DUOXA2: variants seen among roughly 807,000 people sequenced by gnomAD.
DUOXA2 encodes dual oxidase maturation factor 2.
A neutral mutation model predicts 27.6 loss-of-function variants in DUOXA2; 22 were observed. The observed-to-expected ratio is 0.80, with a 90% CI of 0.57 to 1.14. The LOEUF (loss-of-function observed/expected upper bound fraction) is 1.14, where lower values mean the gene tolerates loss of function less well. DUOXA2 is among the 50% of genes most tolerant of loss of function. The probability of loss-of-function intolerance (pLI) is 0.00; values close to 1 mark genes in which losing one functional copy is unlikely to be tolerated. For missense variants in DUOXA2, 481 were observed against 419.9 expected, an observed-to-expected ratio of 1.15 and a Z score of -1.27; for synonymous variants, 188 against 184.4, an observed-to-expected ratio of 1.02 and a Z score of -0.16.
chr15:45,115,581 T>G, intron 1 of DUOXA2: 1 of 691,712 alleles, frequency 1.4e-6, no homozygotes, highest in Non-Finnish European at 2.6e-6. Flanking sequence ...GGAGGTGCTG[T>G]TAGGGTAGAT....
At chr15:45,115,775 T>C (rs1413811242) in intron 1 of DUOXA2, 24 bp from the exon 2 acceptor site, 2 of 1,614,044 alleles carry the variant, frequency 1.2e-6, no homozygotes. Flanking sequence ...GGCTCAGGCC[T>C]GACCCGGGTG....
At chr15:45,117,055 AGCCC>A in intron 4 of DUOXA2, 32 bp from the exon 5 acceptor site, 1 of 1,590,920 alleles carries the variant, frequency 6.3e-7, no homozygotes, top group East Asian at 2.3e-5. Flanking sequence ...GGCTGGGAGA[AGCCC>A]GCTCACAGCG....
chr15:45,115,320 T>C (rs1214519148), intron 1 of DUOXA2: 1 of 394,674 alleles, frequency 2.5e-6, no homozygotes, highest in East Asian at 7.2e-5. Flanking sequence ...ACCCAGCTTT[T>C]CTGCATCTTA....
In DUOXA2 at chr15:45,116,250, C is replaced by A. The variant is rs763574717; in HGVS notation, c.332C>A (p.Thr111Lys). 6.2e-7 allele frequency: 1 copy of A among 1,613,966 alleles called. No individual in the cohort carries two copies. The highest frequency in any genetic ancestry group is 8.5e-7 in the Non-Finnish European group (1 of 1,179,922). ...LLVGLEGINITLTGTPVHQLN... is the reference protein window; with the variant it reads ...LLVGLEGINIKLTGTPVHQLN... ...GTGGGCCTGGAGGGCATTAATATTA[C>A]ACTCACAGGTGAGGGGGCTGGGGCT... is the stretch of plus-strand genomic sequence containing the variant. The change falls in exon 3 of 6, where the codon ACA becomes AAA. Residue 111 changes from threonine to lysine, a missense_variant. Transcript: ENST00000323030.
At chr15:45,117,572 G>A (rs755127271) in intron 5 of DUOXA2, 144 bp from the exon 6 acceptor site, 5 of 1,600,310 alleles carry the variant, frequency 3.1e-6, no homozygotes, top group Admixed American at 1.7e-5. Flanking sequence ...AAAGATGGAA[G>A]AAGGCCCGGG....
Position 45,118,146 on chromosome 15 carries a change from G to A in DUOXA2, c.*237G>A, listed in dbSNP as rs965188656. 4.0e-5 allele frequency: 58 copies of A among 1,438,352 alleles called. No homozygotes were observed. Among genetic ancestry groups the A allele is most frequent in the Non-Finnish European group, 5.0e-5 (55 of 1,101,192 alleles). 89.1% of individuals were successfully genotyped at this position (1,438,352 alleles called of 1,614,324 possible). A position where few individuals can be genotyped will look rare whatever the true frequency, so the allele number is the denominator to read the frequency against. ...AATTTTCATGGCTTCTCCGCGCCGG[G>A]GTCGCACGTCCTCATGAGCTTCGCT... On this transcript the variant is annotated 3_prime_UTR_variant, in exon 6 of 6. Transcript: ENST00000323030.
chr15:45,117,248 G>C lies in DUOXA2; in HGVS notation c.712G>C (p.Gly238Arg). ...SSVPLCPLRL[G>R]SSALTTQYGA... ...CGTGCCGCTCTGCCCGCTCCGCCTA[G>C]GCTCCTCCGCGCTCACCACTCAGTA... Residue 238 changes from glycine (G) to arginine (R), a missense_variant, in exon 5 of 6, where the codon GGC (glycine) becomes CGC (arginine). Transcript: ENST00000323030. 6 of 1,610,346 alleles carry C rather than the reference G, an allele frequency of 3.7e-6. No individual in the cohort carries two copies. Among genetic ancestry groups the C allele is most frequent in the Non-Finnish European group, 5.1e-6 (6 of 1,179,244 alleles).
In DUOXA2 at chr15:45,117,892, A is replaced by G. The variant is rs1057233703; in HGVS notation, c.946A>G (p.Ile316Val). 6 of 1,613,274 alleles carry G rather than the reference A, an allele frequency of 3.7e-6. No homozygotes were observed. Among genetic ancestry groups the G allele is most frequent in the African/African-American group, 1.3e-5 (1 of 74,932 alleles). The change falls in exon 6 of 6, where the codon ATC becomes GTC. Residue 316 changes from isoleucine to valine, a missense_variant. Ile to Val is a conservative substitution (Grantham distance 29). Coordinates refer to ENST00000323030, the MANE Select transcript of DUOXA2 (RefSeq NM_207581.4). ...KQAALPDLKC[I>V]TTNL ...GGCCGCTCTCCCAGACTTAAAATGTATCACCACTAACCTGTGAGGGGGACC... is the reference window on the plus strand; with the variant it reads ...GGCCGCTCTCCCAGACTTAAAATGTGTCACCACTAACCTGTGAGGGGGACC...
chr15:45,116,193 C>G lies in DUOXA2; in HGVS notation c.275C>G (p.Ala92Gly). Reference protein sequence around the residue: ...NTNTSYKAFSAARVTARVRLL... With the variant: ...NTNTSYKAFSGARVTARVRLL... The stretch of plus-strand genomic sequence containing the variant: ...AACACATCCTACAAAGCCTTCAGCG[C>G]AGCGCGCGTTACAGCCCGTGTCCGT... Residue 92 changes from alanine (A) to glycine (G), a missense_variant, in exon 3 of 6, where the codon GCA becomes GGA. Coordinates refer to ENST00000323030, the MANE Select transcript of DUOXA2 (RefSeq NM_207581.4). The G allele has an allele frequency of 1.2e-6, 2 of 1,614,086 alleles. No homozygotes were observed. The highest frequency in any genetic ancestry group is 1.3e-5 in the African/African-American group (1 of 75,030).
intron 1 of DUOXA2, 71 bp from the exon 2 acceptor site, chr15:45,115,728 G>T (rs1894597904): frequency 2.5e-6 from 4 of 1,569,706 alleles, no homozygotes; most frequent in Non-Finnish European, 3.5e-6. Flanking sequence ...CAGGTGAAGT[G>T]GGGTCAAGGG....
rs767664636 is a variant in DUOXA2 at position 45,115,857 on chromosome 15, G to A, written c.205+1G>A. 2.9e-5 allele frequency: 46 copies of A among 1,613,960 alleles called. No homozygotes were observed. The highest frequency in any genetic ancestry group is 3.7e-5 in the Non-Finnish European group (44 of 1,180,016). On this transcript the variant is annotated splice_donor_variant, in intron 2 of 5. Coordinates refer to ENST00000323030, the MANE Select transcript of DUOXA2 (RefSeq NM_207581.4). LOFTEE classifies it high-confidence loss of function. ...CTGTTCATAGGCGCAGAAATTGTGG[G>A]TGAGTGTGTGGTGCAGCCCATGGGG...
In DUOXA2 at chr15:45,116,690, A is replaced by G; in HGVS notation, c.515A>G (p.Gln172Arg). 6.2e-7 allele frequency: 1 copy of G among 1,613,648 alleles called. No homozygotes were observed. The highest frequency in any genetic ancestry group is 8.5e-7 in the Non-Finnish European group (1 of 1,180,044). ...TPSSPCGLYH[Q>R]YHLAGHYASA... ...AGTAGCCCTTGCGGCCTGTACCACC[A>G]GTACCACCTGGCGGGACACTACGCC... is the stretch of plus-strand genomic sequence containing the variant. The change falls in exon 4 of 6, where the codon CAG becomes CGG. Residue 172 changes from glutamine (Q) to arginine (R), a missense_variant. By Grantham distance (43) the Gln-to-Arg change is conservative. Coordinates refer to ENST00000323030, the MANE Select transcript of DUOXA2 (RefSeq NM_207581.4).
chr15:45,117,531 T>G (rs1473676046), intron 5 of DUOXA2, 185 bp from the exon 6 acceptor site: 3 of 1,558,810 alleles, frequency 1.9e-6, no homozygotes, highest in Admixed American at 3.9e-5. Context: ...TAGAGGTGTG[T>G]GGCGGGAGGT....
rs747893714 is a variant in DUOXA2, at chr15:45,116,612, T to G, written c.437T>G (p.Leu146Arg). Reference protein sequence around the residue: ...ENYAAEYANALEKGLPDPVLY... With the variant: ...ENYAAEYANAREKGLPDPVLY... Reference sequence around the variant, plus strand: ...TACGCCGCGGAGTACGCGAACGCACTGGAGAAGGGGCTGCCGGACCCAGTG... The same window carrying G: ...TACGCCGCGGAGTACGCGAACGCACGGGAGAAGGGGCTGCCGGACCCAGTG... Residue 146 changes from leucine to arginine, a missense_variant, in exon 4 of 6, where the codon CTG becomes CGG. Leu to Arg is a moderately radical substitution (Grantham distance 102, BLOSUM62 -2). Transcript: ENST00000323030. The G allele has an allele frequency of 6.2e-7, 1 of 1,614,012 alleles. No homozygotes were observed. The highest frequency in any genetic ancestry group is 1.7e-5 in the Admixed American group (1 of 60,030).
chr15:45,115,580 G>T (rs1210755345), intron 1 of DUOXA2: 5 of 695,922 alleles, frequency 7.2e-6, no homozygotes, highest in African/African-American at 3.5e-5. Context: ...GGGAGGTGCT[G>T]TTAGGGTAGA....
In DUOXA2 at chr15:45,117,783, C is replaced by A; in HGVS notation, c.837C>A (p.Arg279=). The A allele has an allele frequency of 1.2e-6, 2 of 1,614,010 alleles. No homozygotes were observed. The highest frequency in any genetic ancestry group is 1.7e-6 in the Non-Finnish European group (2 of 1,180,040). ...AGTATGTTCGGCCCAGCGCTCTTCG[C>A]ACCCTTCTGGACCAAAGCGCCAAGG... The part of the protein sequence containing the change: ...SLQYVRPSAL[R]TLLDQSAKDC... Residue 279 remains arginine, a synonymous_variant, in exon 6 of 6, where the codon CGC becomes CGA. Coordinates refer to ENST00000323030, the MANE Select transcript of DUOXA2 (RefSeq NM_207581.4).
rs1250006787 is a variant in DUOXA2 at position 45,118,159 on chromosome 15, C to T, written c.*250C>T. The T allele has an allele frequency of 9.0e-6, 13 of 1,437,722 alleles. No individual in the cohort carries two copies. The East Asian group carries it at 2.2e-4, about 25-fold the overall frequency. The allele number at this position is 1,437,722 out of a possible 1,614,324, so 89.1% of individuals were successfully genotyped here. On this transcript the variant is annotated 3_prime_UTR_variant, in exon 6 of 6. Coordinates refer to ENST00000323030, the MANE Select transcript of DUOXA2 (RefSeq NM_207581.4). ...TCTCCGCGCCGGGGTCGCACGTCCTCATGAGCTTCGCTGGGCTGGAGACAG... is the reference window on the plus strand; with the variant it reads ...TCTCCGCGCCGGGGTCGCACGTCCTTATGAGCTTCGCTGGGCTGGAGACAG...
At chr15:45,116,802 A>T (rs1441312595) in intron 4 of DUOXA2, 73 bp downstream of exon 4, 1 of 1,538,032 alleles carries the variant, frequency 6.5e-7, no homozygotes, top group Non-Finnish European at 8.8e-7. Context: ...GGGAGGATGC[A>T]GGCCTCGGAG....
rs1297180338 is a variant in DUOXA2 at position 45,117,843 on chromosome 15, C to T, written c.897C>T (p.Ile299=). Residue 299 remains isoleucine (I), a synonymous_variant, in exon 6 of 6, where the codon ATC becomes ATT. Coordinates refer to ENST00000323030, the MANE Select transcript of DUOXA2 (RefSeq NM_207581.4). ...CSQERGGSPL[I]LGDPLHKQAA... is the part of the protein sequence containing the mutation. ...AGGAGAGAGGGGGCTCACCTCTTAT[C>T]CTCGGCGACCCACTGCACAAGCAGG... 6.2e-7 allele frequency: 1 copy of T among 1,613,652 alleles called. No individual in the cohort carries two copies. Among genetic ancestry groups the T allele is most frequent in the Non-Finnish European group, 8.5e-7 (1 of 1,180,058 alleles).
Sources: gnomAD v4.1 joint callset for allele counts on GRCh38, gnomAD v4.1.1 for gene constraint, MANE v1.5 for transcripts, NCBI Gene and HGNC (gene_info 2026-07-23, HGNC 2026-07-21) for gene names.